Variants in HARBI1 observed in about 807,000 individuals in gnomAD.
HARBI1 encodes the protein putative nuclease HARBI1.
A neutral mutation model predicts 25.3 loss-of-function variants in HARBI1; 15 were observed. That is an observed-to-expected ratio of 0.59 (90% CI 0.40 to 0.91). The LOEUF (loss-of-function observed/expected upper bound fraction) is 0.91. Ranked by LOEUF, HARBI1 falls within the 40% of genes least tolerant of loss-of-function variation. The probability of loss-of-function intolerance (pLI) is 0.00; values close to 1 mark genes in which losing one functional copy is unlikely to be tolerated. For missense variants in HARBI1, 396 were observed against 445.8 expected (o/e 0.89, Z 1.01); for synonymous variants, 168 against 160.5 (o/e 1.05, Z -0.35).
chr11:46,611,103 G>A (rs2045165917), intron 2 of HARBI1, among the ~76,000 whole-genome samples: 1 of 149,678 alleles, frequency 6.7e-6, no homozygotes, highest in African/African-American at 2.5e-5. Flanking sequence ...CACCTCCCGG[G>A]TTCACGCCAT....
At position 46,615,725 on chromosome 11, in the gene HARBI1, C is replaced by T; in HGVS notation, c.513G>A (p.Leu171=). The change falls in exon 2 of 3, where the codon CTG becomes CTA. Residue 171 remains leucine, a synonymous_variant. Coordinates refer to ENST00000326737, the MANE Select transcript of HARBI1 (RefSeq NM_173811.4). The part of the protein sequence containing the change: ...EDLSYVNRKG[L]HSLNCLMVCD... ...ACACCATCAGGCAGTTTAAAGAATG[C>T]AGGCCTTTTCGGTTCACATAGGAGA... The T allele has an allele frequency of 6.2e-7, 1 of 1,614,166 alleles. No individual in the cohort carries two copies. Among genetic ancestry groups the T allele is most frequent in the Non-Finnish European group, 8.5e-7 (1 of 1,180,034 alleles).
chr11:46,603,752 TC>T lies in HARBI1; in HGVS notation c.827del (p.Gly276AspfsTer39). 6.2e-7 allele frequency: 1 copy of T among 1,614,158 alleles called. No homozygotes were observed. Among genetic ancestry groups the T allele is most frequent in the South Asian group, 1.1e-5 (1 of 91,084 alleles). ...GTGAGTACTGCAGTGCCCCCTTGGA[TC>T]CATCCAGGCAGCGGAATCGGGAGCA... is the stretch of plus-strand genomic sequence containing the variant. ...TLCSRFRCLD[G>X]SKGALQYSPE... On this transcript the variant is annotated frameshift_variant, in exon 3 of 3. Transcript: ENST00000326737. LOFTEE classifies it high-confidence loss of function.
chr11:46,617,543 C>CG (rs953332144), upstream of HARBI1: 1 of 215,440 alleles, frequency 4.6e-6, no homozygotes, highest in African/African-American at 3.0e-5. Context: ...CTCTTTCACC[C>CG]CCCCCCCCCG....
chr11:46,603,337 A>T lies in HARBI1; in HGVS notation c.*193T>A. 1.8e-6 allele frequency: 1 copy of T among 544,230 alleles called. No individual in the cohort carries two copies. Among genetic ancestry groups the T allele is most frequent in the Non-Finnish European group, 3.2e-6 (1 of 311,626 alleles). The allele number at this position is 544,230 out of a possible 1,614,324, so 33.7% of individuals were successfully genotyped here. ...GGAGCCGCTGTCTTGGTTTCAGTTT[A>T]ATTAATGCATATGCAAATGAATCAA... On this transcript the variant is annotated 3_prime_UTR_variant, in exon 3 of 3. Transcript: ENST00000326737.
chr11:46,605,411 C>A (rs576055223), intron 2 of HARBI1, among the ~76,000 whole-genome samples: 2 of 152,036 alleles, frequency 1.3e-5, no homozygotes, highest in South Asian at 4.2e-4. Context: ...CTATGTTACC[C>A]AGGCTGGTCT....
Position 46,616,357 on chromosome 11 carries a change from G to T in HARBI1, c.-120C>A, listed in dbSNP as rs1225785837. The T allele has an allele frequency of 6.8e-7, 1 of 1,473,684 alleles. No homozygotes were observed. Among genetic ancestry groups the T allele is most frequent in the Non-Finnish European group, 8.9e-7 (1 of 1,121,900 alleles). 91.3% of individuals were successfully genotyped at this position (1,473,684 alleles called of 1,614,324 possible). A position where few individuals can be genotyped will look rare whatever the true frequency, so the allele number is the denominator to read the frequency against. On this transcript the variant is annotated 5_prime_UTR_variant, in exon 2 of 3. Transcript: ENST00000326737. ...ATCCAACAGCTAACCACAGTTAAAT[G>T]GCTCTGCCATTTATAATCTTCTCTC...
At chr11:46,605,304 T>G (rs1193247784) in intron 2 of HARBI1, among the ~76,000 whole-genome samples, 1 of 151,906 alleles carries the variant, frequency 6.6e-6, no homozygotes, top group East Asian at 1.9e-4. Flanking sequence ...GCCTCAACCT[T>G]CCAGCCTCCT....
At chr11:46,609,672 T>A (rs914461494) in intron 2 of HARBI1, among the ~76,000 whole-genome samples, 53 of 151,620 alleles carry the variant, frequency 3.5e-4, no homozygotes, top group Non-Finnish European at 5.9e-5. Context: ...GATTTCTTCA[T>A]GCCTCACACC....
chr11:46,615,024 T>G (rs1266213724), intron 2 of HARBI1, among the ~76,000 whole-genome samples: 1 of 152,164 alleles, frequency 6.6e-6, no homozygotes, highest in Non-Finnish European at 1.5e-5. Flanking sequence ...GCGATTCTCC[T>G]GCCTCAGCCT....
At chr11:46,611,453 G>A (rs1376215329) in intron 2 of HARBI1, among the ~76,000 whole-genome samples, 1 of 152,058 alleles carries the variant, frequency 6.6e-6, no homozygotes. Flanking sequence ...GCTCATGCCT[G>A]TAATTCCAGC....
intron 2 of HARBI1, among the ~76,000 whole-genome samples, chr11:46,608,200 A>G (rs1270449859): frequency 6.6e-6 from 1 of 152,136 alleles, no homozygotes; most frequent in African/African-American, 2.4e-5. Context: ...CAGGAGGCTG[A>G]GGCAGGAGAA....
Position 46,617,135 on chromosome 11 carries a change from T to A in HARBI1, c.-156A>T. The A allele has an allele frequency of 2.6e-6, 1 of 391,460 alleles. No individual in the cohort carries two copies. The highest frequency in any genetic ancestry group is 3.5e-6 in the Non-Finnish European group (1 of 287,250). The allele number at this position is 391,460 out of a possible 1,614,324, so 24.2% of individuals were successfully genotyped here. A position where few individuals can be genotyped will look rare whatever the true frequency, so the allele number is the denominator to read the frequency against. Reference sequence around the variant, plus strand: ...GGCCCGTCACCCACCTCTCCGCGGCTGCCAGGTTACCAGCCACACTTCCCA... The same window carrying A: ...GGCCCGTCACCCACCTCTCCGCGGCAGCCAGGTTACCAGCCACACTTCCCA... On this transcript the variant is annotated 5_prime_UTR_variant, in exon 1 of 3. Transcript: ENST00000326737.
intron 2 of HARBI1, among the ~76,000 whole-genome samples, chr11:46,608,108 G>C (rs545194448): frequency 5.9e-5 from 9 of 152,222 alleles, no homozygotes; most frequent in African/African-American, 1.4e-4. Context: ...AGACCAGCCT[G>C]ACCAACGTGG....
At chr11:46,616,933 C>T in intron 1 of HARBI1, 191 bp downstream of exon 1, 1 of 983,910 alleles carries the variant, frequency 1.0e-6, no homozygotes, top group Non-Finnish European at 1.2e-6. Context: ...TCCCTCACTC[C>T]AAGAACTCCA....
chr11:46,616,428 A>T (rs982510741), intron 1 of HARBI1, 47 bp from the exon 2 acceptor site: 1 of 1,403,796 alleles, frequency 7.1e-7, no homozygotes, highest in Non-Finnish European at 9.2e-7. Flanking sequence ...CAAAGACTTT[A>T]AAGTGACTCA....
At chr11:46,604,440 GA>G in intron 2 of HARBI1, 1 of 937,746 alleles carries the variant, frequency 1.1e-6, no homozygotes, top group Non-Finnish European at 1.3e-6. Context: ...TCCTAATTCA[GA>G]GATATTGTTA....
intron 2 of HARBI1, 44 bp downstream of exon 2, chr11:46,615,524 T>C: frequency 6.4e-7 from 1 of 1,567,470 alleles, no homozygotes. Flanking sequence ...ACATAACTTT[T>C]CTATGCCTCC....
At chr11:46,607,175 CTGTT>C (rs1591238503) in intron 2 of HARBI1, among the ~76,000 whole-genome samples, 1 of 149,408 alleles carries the variant, frequency 6.7e-6, no homozygotes, top group South Asian at 2.1e-4. Flanking sequence ...AGGTAGAAAA[CTGTT>C]TGAACCTGGG....
chr11:46,615,759 G>C lies in HARBI1; in HGVS notation c.479C>G (p.Ala160Gly), dbSNP rs1374958666. The C allele has an allele frequency of 6.2e-7, 1 of 1,614,178 alleles. No individual in the cohort carries two copies. The highest frequency in any genetic ancestry group is 1.7e-5 in the Admixed American group (1 of 60,006). ...TCGGTTCACATAGGAGAGGTCTTCA[G>C]CATTTGGTGCCTTGATGGCCACATG... Reference protein sequence around the residue: ...CIHVAIKAPNAEDLSYVNRKG... With the variant: ...CIHVAIKAPNGEDLSYVNRKG... The change falls in exon 2 of 3, where the codon GCT becomes GGT. Residue 160 changes from alanine (A) to glycine (G), a missense_variant. Coordinates refer to ENST00000326737, the MANE Select transcript of HARBI1 (RefSeq NM_173811.4).
Sources: gnomAD v4.1 joint callset for allele counts (sites outside exome capture counted in the v4.1 genomes callset) on GRCh38, gnomAD v4.1.1 for gene constraint, MANE v1.5 for transcripts, NCBI Gene and HGNC (gene_info 2026-07-23, HGNC 2026-07-21) for gene names.